GNL2: variants seen among roughly 807,000 people sequenced by gnomAD.
The protein encoded by GNL2 is nucleolar GTP-binding protein 2.
A neutral mutation model predicts 92.3 loss-of-function variants in GNL2; 51 were observed. The observed-to-expected ratio is 0.55, with a 90% CI of 0.44 to 0.70. The LOEUF (loss-of-function observed/expected upper bound fraction) is 0.70. Ranked by LOEUF, GNL2 falls within the 30% of genes least tolerant of loss-of-function variation. The pLI is 0.00. For missense variants in GNL2, 844 were observed against 895.6 expected, an observed-to-expected ratio of 0.94 and a Z score of 0.74; for synonymous variants, 283 against 300.6, an observed-to-expected ratio of 0.94 and a Z score of 0.61.
intron 5 of GNL2, among the ~76,000 whole-genome samples, chr1:37,585,059 C>CTTT (rs556690435): frequency 7.9e-6 from 1 of 125,792 alleles, no homozygotes; most frequent in African/African-American, 2.8e-5. Context: ...TAGAAGAGTA[C>CTTT]TTTTTTTTTT....
intron 12 of GNL2, among the ~76,000 whole-genome samples, chr1:37,572,793 G>A (rs945342276): frequency 6.6e-6 from 1 of 152,216 alleles, no homozygotes; most frequent in African/African-American, 2.4e-5. Flanking sequence ...GGGCGTAAGT[G>A]TGGATAGCCT....
In GNL2 at chr1:37,569,175, T is replaced by G. The variant is rs2148127322; in HGVS notation, c.1544A>C (p.His515Pro). ...IIKEETEENS[H>P]CDANTEMQQI... ...CTGCATCTCTGTGTTAGCATCACAGTGACTGTTCTCTTCTGTTTCTTCCTT... is the reference window on the plus strand; with the variant it reads ...CTGCATCTCTGTGTTAGCATCACAGGGACTGTTCTCTTCTGTTTCTTCCTT... The change falls in exon 13 of 16, where the codon CAC (histidine) becomes CCC (proline). Residue 515 changes from histidine (H) to proline (P), a missense_variant. His to Pro is a moderately conservative substitution (Grantham distance 77, BLOSUM62 -2). Transcript: ENST00000373062. 2 of 1,614,078 alleles carry G rather than the reference T, an allele frequency of 1.2e-6. No individual in the cohort carries two copies. Among genetic ancestry groups the G allele is most frequent in the African/African-American group, 2.7e-5 (2 of 75,036 alleles).
At chr1:37,576,333 T>G (rs1390711838) in intron 9 of GNL2, 95 bp downstream of exon 9, 5 of 1,153,894 alleles carry the variant, frequency 4.3e-6, no homozygotes, top group Non-Finnish European at 6.3e-6. Context: ...GTGGTCTGCA[T>G]TCAAGAGAAG....
At chr1:37,591,453 T>C (rs1416856454) in intron 3 of GNL2, among the ~76,000 whole-genome samples, 1 of 151,988 alleles carries the variant, frequency 6.6e-6, no homozygotes, top group Non-Finnish European at 1.5e-5. Flanking sequence ...ATGCTTATAT[T>C]ATACTCACTA....
chr1:37,595,797 C>T lies in GNL2; in HGVS notation c.26G>A (p.Arg9Gln). ...GGCCTTGGACGGGTTGATGGTGCTC[C>T]GTCCTTTGTACTTGGGCTTCACCAT... MVKPKYKG[R>Q]STINPSKAST... Residue 9 changes from arginine to glutamine, a missense_variant, in exon 1 of 16, where the codon CGG (arginine) becomes CAG (glutamine). Transcript: ENST00000373062. 6.2e-7 allele frequency: 1 copy of T among 1,614,188 alleles called. No individual in the cohort carries two copies. Among genetic ancestry groups the T allele is most frequent in the Non-Finnish European group, 8.5e-7 (1 of 1,180,022 alleles).
At chr1:37,594,045 G>C (rs937869588) in intron 1 of GNL2, 199 bp from the exon 2 acceptor site, 9 of 540,730 alleles carry the variant, frequency 1.7e-5, no homozygotes, top group Non-Finnish European at 3.0e-5. Context: ...CCCAATCTTT[G>C]ATCTTCGATA....
In GNL2 at chr1:37,592,737, T is replaced by G; in HGVS notation, c.219A>C (p.Arg73Ser). 7 of 1,601,538 alleles carry G rather than the reference T, an allele frequency of 4.4e-6. No homozygotes were observed. The highest frequency in any genetic ancestry group is 6.0e-6 in the Non-Finnish European group (7 of 1,168,478). ...QSTVASGTVA[R>S]VEPNIKWFGN... is the part of the protein sequence containing the mutation. Reference sequence around the variant, plus strand: ...CAAACCATTTAATATTTGGCTCTACTCTTGCCACTGTGCCAGAAGCCACCG... The same window carrying G: ...CAAACCATTTAATATTTGGCTCTACGCTTGCCACTGTGCCAGAAGCCACCG... The change falls in exon 3 of 16, where the codon AGA (arginine) becomes AGC (serine). Residue 73 changes from arginine (R) to serine (S), a missense_variant. Transcript: ENST00000373062.
Position 37,582,896 on chromosome 1 carries a change from G to C in GNL2, c.677C>G (p.Ala226Gly). Residue 226 changes from alanine to glycine, a missense_variant, in exon 7 of 16, where the codon GCT (alanine) becomes GGT (glycine). Physicochemically the swap from Ala to Gly is moderately conservative, Grantham distance 60. Transcript: ENST00000373062. Reference sequence around the variant, plus strand: ...GGAACGAGTACCCATTGGATCTCTAGCATCAAGAACTTGAACTACAACATC... The same window carrying C: ...GGAACGAGTACCCATTGGATCTCTACCATCAAGAACTTGAACTACAACATC... The part of the protein sequence containing the change: ...SSDVVVQVLD[A>G]RDPMGTRSPH... 6.2e-7 allele frequency: 1 copy of C among 1,612,526 alleles called. No homozygotes were observed. Among genetic ancestry groups the C allele is most frequent in the Non-Finnish European group, 8.5e-7 (1 of 1,178,814 alleles).
intron 8 of GNL2, among the ~76,000 whole-genome samples, chr1:37,577,421 C>T (rs2148133484): frequency 6.6e-6 from 1 of 152,282 alleles, no homozygotes; most frequent in Non-Finnish European, 1.5e-5. Flanking sequence ...GTGGACTGAA[C>T]ATACATGCTA....
At chr1:37,589,461 C>A (rs775505366) in intron 4 of GNL2, among the ~76,000 whole-genome samples, 3 of 152,150 alleles carry the variant, frequency 2.0e-5, no homozygotes, top group African/African-American at 7.2e-5. Flanking sequence ...CCCGCCACCA[C>A]GCCCGGCTAA....
At chr1:37,592,644 TTA>T (rs766851824) in intron 3 of GNL2, 66 bp downstream of exon 3, 23 of 871,152 alleles carry the variant, frequency 2.6e-5, no homozygotes, top group Non-Finnish European at 4.2e-5. Context: ...GTTTAGACAT[TTA>T]AACATCCTAG....
At chr1:37,580,552 G>T (rs1313502764) in intron 8 of GNL2, among the ~76,000 whole-genome samples, 1 of 152,188 alleles carries the variant, frequency 6.6e-6, no homozygotes, top group Non-Finnish European at 1.5e-5. Context: ...CAGAAAAGAA[G>T]AAAAGAGGTC....
intron 4 of GNL2, among the ~76,000 whole-genome samples, chr1:37,590,065 A>G (rs1246545291): frequency 1.3e-5 from 2 of 152,218 alleles, no homozygotes; most frequent in African/African-American, 2.4e-5. Flanking sequence ...TGCTTTACAG[A>G]TGCTTCATCT....
chr1:37,573,433 T>A (rs17559337), intron 12 of GNL2, among the ~76,000 whole-genome samples: 1 of 152,186 alleles, frequency 6.6e-6, no homozygotes, highest in African/African-American at 2.4e-5. Flanking sequence ...TTGAGCCTTG[T>A]GGCGGCCCAC....
intron 7 of GNL2, 116 bp downstream of exon 7, chr1:37,582,662 T>C (rs1408738315): frequency 2.2e-6 from 2 of 895,916 alleles, no homozygotes; most frequent in Non-Finnish European, 3.4e-6. Context: ...GTGTTTCCAA[T>C]GAGAGCACTC....
chr1:37,566,995 C>T lies in GNL2; in HGVS notation c.2056G>A (p.Val686Ile). 1 of 1,612,376 alleles carries T rather than the reference C, an allele frequency of 6.2e-7. No individual in the cohort carries two copies. Residue 686 changes from valine to isoleucine, a missense_variant, in exon 16 of 16, where the codon GTA becomes ATA. Physicochemically the swap from Val to Ile is conservative, Grantham distance 29 (BLOSUM62 3). Coordinates refer to ENST00000373062, the MANE Select transcript of GNL2 (RefSeq NM_013285.3). ...ALTSKERRRA[V>I]RQQRPKKVGV... ...ACTTTTTTCGGCCGTTGCTGTCGTA[C>T]TGCTCGCCTCCGCTGTAAAAAATGG... is the stretch of plus-strand genomic sequence containing the variant.
intron 8 of GNL2, among the ~76,000 whole-genome samples, chr1:37,576,909 C>T (rs1427930049): frequency 6.6e-5 from 10 of 152,066 alleles, no homozygotes; most frequent in Non-Finnish European, 1.0e-4. Context: ...GTCAGGGGTT[C>T]GAGACCAGCC....
At chr1:37,578,172 C>T (rs1276981962) in intron 8 of GNL2, among the ~76,000 whole-genome samples, 1 of 152,190 alleles carries the variant, frequency 6.6e-6, no homozygotes, top group Non-Finnish European at 1.5e-5. Flanking sequence ...GGCACAGTGG[C>T]TCATGCCTGT....
In GNL2 at chr1:37,568,946, G is replaced by A. The variant is rs200495851; in HGVS notation, c.1773C>T (p.Asn591=). The A allele has an allele frequency of 7.5e-5, 121 of 1,614,050 alleles. No individual in the cohort carries two copies. The African/African-American group carries it at 8.7e-4, about 12-fold the overall frequency. ...SSEPEEENVG[N]DTKAVIKALD... The stretch of plus-strand genomic sequence containing the variant: ...GTGCTTTAATAACGGCTTTGGTGTC[G>A]TTTCCCACATTTTCCTCCTCAGGCT... Residue 591 remains asparagine (N), a synonymous_variant, in exon 13 of 16, where the codon AAC becomes AAT. Transcript: ENST00000373062.
Sources: allele counts gnomAD v4.1 joint callset (sites outside exome capture counted in the v4.1 genomes callset), GRCh38; gene constraint gnomAD v4.1.1; transcripts MANE v1.5; gene names NCBI Gene and HGNC (gene_info 2026-07-23, HGNC 2026-07-21).